Variants in ADGRB3 observed in about 807,000 individuals in gnomAD.
ADGRB3 encodes the protein brain-specific angiogenesis inhibitor 3.
Under a neutral mutation model 193.4 loss-of-function variants are expected in ADGRB3, and 37 were observed. The observed-to-expected ratio is 0.19, with a 90% CI of 0.15 to 0.25. ADGRB3 has a LOEUF of 0.25. ADGRB3 is among the 10% of genes least tolerant of loss of function. The pLI, the probability that ADGRB3 is intolerant of heterozygous loss-of-function variation, is 1.00. For synonymous variants in ADGRB3, 690 were observed against 644.2 expected, an observed-to-expected ratio of 1.07 and a Z score of -1.08; for missense variants, 1,637 against 1,852.9, an observed-to-expected ratio of 0.88 and a Z score of 2.14.
chr6:68,765,280 G>T (rs74454141), intron 3 of ADGRB3, among the ~76,000 whole-genome samples: 6,273 of 152,020 alleles, frequency 0.041, 228 homozygotes, highest in Non-Finnish European at 0.056. Context: ...TACCAATTAT[G>T]GATGATGTTT....
chr6:69,172,987 G>A (rs1399329457), intron 17 of ADGRB3, among the ~76,000 whole-genome samples: 2 of 152,210 alleles, frequency 1.3e-5, no homozygotes, highest in African/African-American at 2.4e-5. Context: ...ATCAGTCAGG[G>A]CCCTTTAGGC....
intron 3 of ADGRB3, among the ~76,000 whole-genome samples, chr6:68,884,047 C>T (rs973561724): frequency 6.6e-6 from 1 of 152,256 alleles, no homozygotes; most frequent in South Asian, 2.1e-4. Context: ...ATTCAGAGTG[C>T]TTTGTTTGGC....
At chr6:69,227,988 G>A (rs1382149479) in intron 17 of ADGRB3, among the ~76,000 whole-genome samples, 1 of 152,192 alleles carries the variant, frequency 6.6e-6, no homozygotes, top group Non-Finnish European at 1.5e-5. Flanking sequence ...GGGTGTGGTG[G>A]CTCACACCTG....
intron 3 of ADGRB3, among the ~76,000 whole-genome samples, chr6:68,728,761 T>A (rs1214650318): frequency 6.6e-6 from 1 of 151,456 alleles, no homozygotes; most frequent in Non-Finnish European, 1.5e-5. Flanking sequence ...AGTCAAACAA[T>A]CAGCAAGGAA....
intron 17 of ADGRB3, among the ~76,000 whole-genome samples, chr6:69,193,898 G>A (rs1201667732): frequency 6.6e-6 from 1 of 151,780 alleles, no homozygotes; most frequent in Non-Finnish European, 1.5e-5. Context: ...ACAAAATAAA[G>A]CCAGGGCAAA....
rs1768075724 is a variant in ADGRB3 at position 69,306,826 on chromosome 6, G to A, written c.2815-18046G>A. On this transcript the variant is annotated intron_variant, in intron 20 of 31. Transcript: ENST00000370598. ...TGAAATGTACTAATGGTATTTATGGGAGAGGACAGGGCCCATTGGAACATG... is the reference window on the plus strand; with the variant it reads ...TGAAATGTACTAATGGTATTTATGGAAGAGGACAGGGCCCATTGGAACATG... 3.3e-5 allele frequency among the ~76,000 whole-genome samples: 5 copies of A among 151,422 alleles called. No homozygotes were observed. In the South Asian group the frequency reaches 1.0e-3, roughly 31 times the overall value.
In ADGRB3 at chr6:68,808,243, C is replaced by T. The variant is rs1767444826; in HGVS notation, c.758-122316C>T. Among the ~76,000 whole-genome samples the T allele has an allele frequency of 2.6e-5, 4 of 152,000 alleles. No homozygotes were observed. The South Asian group carries it at 8.3e-4, about 32-fold the overall frequency. On this transcript the variant is annotated intron_variant, in intron 3 of 31. Transcript: ENST00000370598. Reference sequence around the variant, plus strand: ...TATTTAGTGATGTCAAATGTATAATCAATAAGAGAAGTAATATCATCATCA... The same window carrying T: ...TATTTAGTGATGTCAAATGTATAATTAATAAGAGAAGTAATATCATCATCA...
At chr6:68,891,717 G>C (rs921184758) in intron 3 of ADGRB3, among the ~76,000 whole-genome samples, 1 of 152,256 alleles carries the variant, frequency 6.6e-6, no homozygotes, top group African/African-American at 2.4e-5. Flanking sequence ...CTTCATAATA[G>C]CTCTATGAAG....
chr6:68,782,176 G>A (rs1030664421), intron 3 of ADGRB3, among the ~76,000 whole-genome samples: 2 of 132,828 alleles, frequency 1.5e-5, no homozygotes, highest in African/African-American at 2.9e-5. Context: ...CTGTGTCCAT[G>A]TGTTCTCTTT....
intron 29 of ADGRB3, among the ~76,000 whole-genome samples, chr6:69,366,181 T>A (rs1769563425): frequency 6.6e-6 from 1 of 152,112 alleles, no homozygotes; most frequent in Non-Finnish European, 1.5e-5. Context: ...ACTTGCCCTT[T>A]TTTACTGTTT....
chr6:69,060,638 A>G (rs1771721353), intron 15 of ADGRB3, among the ~76,000 whole-genome samples: 1 of 152,126 alleles, frequency 6.6e-6, no homozygotes, highest in South Asian at 2.1e-4. Flanking sequence ...AACTAGGATT[A>G]TAAAGAGAAC....
chr6:68,771,903 C>G (rs751998346), intron 3 of ADGRB3, among the ~76,000 whole-genome samples: 1 of 152,000 alleles, frequency 6.6e-6, no homozygotes, highest in Non-Finnish European at 1.5e-5. Context: ...GCAATCAGCC[C>G]GCACAGCATT....
chr6:68,776,248 T>C (rs576241226), intron 3 of ADGRB3, among the ~76,000 whole-genome samples: 1 of 152,156 alleles, frequency 6.6e-6, no homozygotes, highest in Non-Finnish European at 1.5e-5. Context: ...GGTCAGAGAC[T>C]CTAATAAGAG....
chr6:68,941,482 T>C (rs954259227), intron 5 of ADGRB3, among the ~76,000 whole-genome samples: 1 of 152,258 alleles, frequency 6.6e-6, no homozygotes, highest in East Asian at 1.9e-4. Context: ...TCAAGGTTAA[T>C]CAACATTTTT....
chr6:68,857,949 T>C (rs900912961), intron 3 of ADGRB3, among the ~76,000 whole-genome samples: 1 of 152,138 alleles, frequency 6.6e-6, no homozygotes, highest in Non-Finnish European at 1.5e-5. Flanking sequence ...TGAGATCTGA[T>C]GGTTTTAAAA....
chr6:68,893,229 A>C (rs1413439224), intron 3 of ADGRB3, among the ~76,000 whole-genome samples: 1 of 152,112 alleles, frequency 6.6e-6, no homozygotes, highest in African/African-American at 2.4e-5. Context: ...ATTACCCAGA[A>C]AATAGTTGTT....
At chr6:69,246,007 C>G (rs562201406) in intron 20 of ADGRB3, among the ~76,000 whole-genome samples, 1 of 152,230 alleles carries the variant, frequency 6.6e-6, no homozygotes, top group Non-Finnish European at 1.5e-5. Context: ...CCACCCTAGA[C>G]AGGATCTCAG....
intron 3 of ADGRB3, among the ~76,000 whole-genome samples, chr6:68,732,883 G>A (rs1765799326): frequency 6.6e-6 from 1 of 151,790 alleles, no homozygotes; most frequent in African/African-American, 2.4e-5. Flanking sequence ...TTTCCTAGAG[G>A]GCTTGTTAAA....
At chr6:69,037,608 T>A (rs1764191706) in intron 13 of ADGRB3, among the ~76,000 whole-genome samples, 2 of 152,326 alleles carry the variant, frequency 1.3e-5, no homozygotes, top group African/African-American at 2.4e-5. Flanking sequence ...CCTCTCATTA[T>A]TAAACTATCC....
Sources: allele counts gnomAD v4.1 joint callset (sites outside exome capture counted in the v4.1 genomes callset), GRCh38; gene constraint gnomAD v4.1.1; transcripts MANE v1.5; gene names NCBI Gene and HGNC (gene_info 2026-07-23, HGNC 2026-07-21).